The following KANK1 variants were observed in gnomAD, a reference collection of about 807,000 sequenced individuals.
KANK1 encodes KN motif and ankyrin repeat domains 1, also known as KN motif and ankyrin repeat domain-containing protein 1.
A neutral mutation model predicts 106.2 loss-of-function variants in KANK1; 109 were observed. The observed-to-expected ratio is 1.03, with a 90% CI of 0.88 to 1.20. The LOEUF (loss-of-function observed/expected upper bound fraction) is 1.20, where lower values mean the gene tolerates loss of function less well. KANK1 is among the 50% of genes most tolerant of loss of function. The pLI, the probability that KANK1 is intolerant of heterozygous loss-of-function variation, is 0.00. For missense variants in KANK1, 2,399 were observed against 1,710.7 expected, an observed-to-expected ratio of 1.40 and a Z score of -7.10; for synonymous variants, 873 against 652.2, an observed-to-expected ratio of 1.34 and a Z score of -5.16.
chr9:744,632 A>C (rs890901069), intron 11 of KANK1, 43 bp downstream of exon 11: 7 of 1,613,936 alleles, frequency 4.3e-6, no homozygotes, highest in Non-Finnish European at 5.9e-6. Context: ...GCTGAAATCC[A>C]CCAGACTGGT....
At chr9:552,333 C>G (rs2061333184) in intron 1 of KANK1, among the ~76,000 whole-genome samples, 1 of 152,124 alleles carries the variant, frequency 6.6e-6, no homozygotes, top group Non-Finnish European at 1.5e-5. Flanking sequence ...AAGGACCTGC[C>G]TAACTAAGGT....
chr9:612,459 G>C (rs187779901), intron 1 of KANK1, among the ~76,000 whole-genome samples: 1 of 151,892 alleles, frequency 6.6e-6, no homozygotes, highest in Admixed American at 6.6e-5. Flanking sequence ...CCACATTATC[G>C]GTGTTTTTTT....
intron 7 of KANK1, 66 bp from the exon 8 acceptor site, chr9:738,219 T>G (rs1834304586): frequency 7.6e-7 from 1 of 1,316,854 alleles, no homozygotes; most frequent in Non-Finnish European, 1.1e-6. Flanking sequence ...AGGTTACTTG[T>G]GCTTTCAACT....
At chr9:541,422 C>G (rs1291322905) in intron 1 of KANK1, among the ~76,000 whole-genome samples, 3 of 152,082 alleles carry the variant, frequency 2.0e-5, no homozygotes, top group East Asian at 3.9e-4. Context: ...AAAATCAACT[C>G]AAAATGGACT....
chr9:684,272 C>A, intron 2 of KANK1: 1 of 985,392 alleles, frequency 1.0e-6, no homozygotes, highest in African/African-American at 1.7e-5. Flanking sequence ...ATTTATCTTC[C>A]AGTGAGTACC....
chr9:674,653 A>T (rs1043278308), intron 1 of KANK1, among the ~76,000 whole-genome samples: 6 of 152,256 alleles, frequency 3.9e-5, no homozygotes, highest in East Asian at 3.9e-4. Context: ...TTAAAAAAAT[A>T]CCTTTTCTTT....
chr9:682,907 C>T (rs193188609), intron 2 of KANK1, among the ~76,000 whole-genome samples: 4 of 152,306 alleles, frequency 2.6e-5, no homozygotes, highest in African/African-American at 9.6e-5. Flanking sequence ...GCGGTGCACC[C>T]CACTCTCGCT....
intron 1 of KANK1, among the ~76,000 whole-genome samples, chr9:626,631 C>T (rs1452370040): frequency 6.6e-6 from 1 of 152,220 alleles, no homozygotes; most frequent in Non-Finnish European, 1.5e-5. Context: ...CTGGCCCCAG[C>T]CCTATTTGGC....
At chr9:692,187 C>T (rs1395774662) in intron 2 of KANK1, among the ~76,000 whole-genome samples, 1 of 152,142 alleles carries the variant, frequency 6.6e-6, no homozygotes, top group Non-Finnish European at 1.5e-5. Flanking sequence ...CTGCACATGC[C>T]CTGCCTTATT....
rs113054339 is a variant in KANK1, at chr9:481,916, A to C, written c.-362+8643A>C. ...TAGGAGGATAGAGTTGTTAGATAGT[A>C]ATAGGACAAACAAGAAGCCCAGGGG... On this transcript the variant is annotated intron_variant, in intron 3 of 15. Transcript: ENST00000382303. 5.2e-3 allele frequency among the ~76,000 whole-genome samples: 794 copies of C among 152,242 alleles called. 5 individuals are homozygous for C. The highest frequency in any genetic ancestry group is 0.019 in the African/African-American group (773 of 41,550).
At chr9:510,057 C>T (rs181656004) in intron 1 of KANK1, among the ~76,000 whole-genome samples, 2 of 151,998 alleles carry the variant, frequency 1.3e-5, no homozygotes, top group Non-Finnish European at 2.9e-5. Context: ...AACAATCCTC[C>T]CTCCTTGCCC....
intron 1 of KANK1, among the ~76,000 whole-genome samples, chr9:667,833 G>A (rs1039259996): frequency 1.3e-5 from 2 of 151,026 alleles, no homozygotes; most frequent in Admixed American, 6.6e-5. Context: ...CTGGGTTCAA[G>A]TGATTCTCCT....
chr9:571,870 G>C (rs1587917317), intron 1 of KANK1, among the ~76,000 whole-genome samples: 1 of 152,144 alleles, frequency 6.6e-6, no homozygotes, highest in Admixed American at 6.5e-5. Flanking sequence ...TTATGTATTT[G>C]GTAAGGACTC....
At chr9:679,482 T>C (rs1817084005) in intron 2 of KANK1, among the ~76,000 whole-genome samples, 1 of 152,140 alleles carries the variant, frequency 6.6e-6, no homozygotes, top group Non-Finnish European at 1.5e-5. Context: ...TGGCACGATA[T>C]CGGCTCACTG....
intron 1 of KANK1, among the ~76,000 whole-genome samples, chr9:542,412 G>T (rs1348620993): frequency 1.3e-5 from 2 of 152,240 alleles, no homozygotes; most frequent in African/African-American, 4.8e-5. Flanking sequence ...AAGGTAACAA[G>T]TGTGTTGGGA....
intron 3 of KANK1, chr9:476,664 C>A (rs1466611205): frequency 6.6e-6 from 1 of 152,188 alleles, no homozygotes; most frequent in Non-Finnish European, 1.5e-5. Flanking sequence ...GTTGAAATAT[C>A]AAACTGTACC....
chr9:540,977 C>T (rs748752766), intron 1 of KANK1, among the ~76,000 whole-genome samples: 1 of 152,046 alleles, frequency 6.6e-6, no homozygotes, highest in Non-Finnish European at 1.5e-5. Context: ...CTTCTGCTGA[C>T]TTTGGGCTGT....
chr9:659,575 G>C (rs985521092), intron 1 of KANK1, among the ~76,000 whole-genome samples: 3 of 152,128 alleles, frequency 2.0e-5, no homozygotes, highest in Non-Finnish European at 4.4e-5. Context: ...AAAGAAAAAA[G>C]GCTTAATCGA....
chr9:504,426 C>A (rs1293717015), upstream of KANK1, among the ~76,000 whole-genome samples: 2 of 151,742 alleles, frequency 1.3e-5, no homozygotes, highest in Admixed American at 1.3e-4. Flanking sequence ...GCACTGAGGG[C>A]CGCCCGCGGC....
Sources: allele counts gnomAD v4.1 joint callset (sites outside exome capture counted in the v4.1 genomes callset), GRCh38; gene constraint gnomAD v4.1.1; transcripts MANE v1.5; gene names NCBI Gene and HGNC (gene_info 2026-07-23, HGNC 2026-07-21).